BLM: variants seen among roughly 807,000 people sequenced by gnomAD.
BLM encodes the protein recQ-like DNA helicase BLM.
BLM carries 95 observed loss-of-function variants against 135.3 expected under a neutral mutation model. The observed-to-expected ratio is 0.70, with a 90% confidence interval of 0.59 to 0.83. The LOEUF (loss-of-function observed/expected upper bound fraction) is 0.83. Ranked by LOEUF, BLM falls within the 40% of genes least tolerant of loss-of-function variation. The pLI is 0.00. For synonymous variants in BLM, 520 were observed against 589.2 expected (o/e 0.88, Z 1.70); for missense variants, 1,518 against 1,663.9 (o/e 0.91, Z 1.53).
At chr15:90,725,789 G>A (rs1894897698) in intron 1 of BLM, among the ~76,000 whole-genome samples, 1 of 151,742 alleles carries the variant, frequency 6.6e-6, no homozygotes, top group Admixed American at 6.6e-5. Context: ...GGGATTACAG[G>A]CGTGAGCCAC....
chr15:90,754,903 A>C lies in BLM; in HGVS notation c.1052A>C (p.Gln351Pro), dbSNP rs1389607101. 3 of 1,613,898 alleles carry C rather than the reference A, an allele frequency of 1.9e-6. No homozygotes were observed. Among genetic ancestry groups the C allele is most frequent in the African/African-American group, 1.3e-5 (1 of 74,930 alleles). Residue 351 changes from glutamine (Q) to proline (P), a missense_variant, in exon 5 of 22, where the codon CAG becomes CCG. Gln to Pro is a moderately conservative substitution (Grantham distance 76). Around this residue, in one of 5 missense-constraint regions of BLM, gnomAD observed 724 missense variants for 756.9 expected, o/e 0.96. Coordinates refer to ENST00000355112, the MANE Select transcript of BLM (RefSeq NM_000057.4). The stretch of plus-strand genomic sequence containing the variant: ...TCAAAACCTGAGAAAATGAGTATGC[A>C]GGAGCTGAATCCAGAAACCAGCACA... ...LLSKPEKMSM[Q>P]ELNPETSTDC...
chr15:90,763,255 A>G (rs1428226283), intron 8 of BLM, 98 bp downstream of exon 8: 5 of 1,287,562 alleles, frequency 3.9e-6, no homozygotes, highest in East Asian at 2.3e-5. Flanking sequence ...CAGTATTTCT[A>G]TCATTTAGGG....
At chr15:90,742,606 CTT>C (rs547597837) in intron 1 of BLM, among the ~76,000 whole-genome samples, 22 of 149,952 alleles carry the variant, frequency 1.5e-4, no homozygotes, top group South Asian at 2.1e-4. Flanking sequence ...CTCTCTCTCT[CTT>C]TTTTTTTTAA....
intron 5 of BLM, among the ~76,000 whole-genome samples, chr15:90,759,793 G>C (rs945854225): frequency 6.6e-6 from 1 of 151,682 alleles, no homozygotes; most frequent in African/African-American, 2.4e-5. Context: ...TATTAGTAAA[G>C]ACGGGGTTTC....
At chr15:90,803,120 A>C (rs1203623708) in intron 17 of BLM, among the ~76,000 whole-genome samples, 1 of 151,116 alleles carries the variant, frequency 6.6e-6, no homozygotes, top group African/African-American at 2.4e-5. Flanking sequence ...CCATGATTGC[A>C]CCACTGCACT....
Position 90,722,196 on chromosome 15 carries a change from G to A in BLM, c.-5+4756G>A, listed in dbSNP as rs1184657402. Reference sequence around the variant, plus strand: ...GCAATCTTGGCTCACTGAAAGCTCCGCCTCCCAGCTTCATGCCATTCTCCT... The same window carrying A: ...GCAATCTTGGCTCACTGAAAGCTCCACCTCCCAGCTTCATGCCATTCTCCT... On this transcript the variant is annotated intron_variant, in intron 1 of 21. Transcript: ENST00000355112. Among the ~76,000 whole-genome samples, 5 of 151,644 alleles carry A rather than the reference G, an allele frequency of 3.3e-5. 1 individual carries two copies. The East Asian group carries it at 8.0e-4, about 24-fold the overall frequency.
rs2151158461 is a variant in BLM at position 90,760,923 on chromosome 15, G to A, written c.1550G>A (p.Ser517Asn). Residue 517 changes from serine (S) to asparagine (N), a missense_variant, in exon 7 of 22, where the codon AGC (serine) becomes AAC (asparagine). This residue lies in a region of BLM where 724 missense variants were observed against 756.9 expected (regional missense o/e 0.96). Coordinates refer to ENST00000355112, the MANE Select transcript of BLM (RefSeq NM_000057.4). ...ETPRLGKKNE[S>N]SYFPGNVLTS... Reference sequence around the variant, plus strand: ...CCAAGACTAGGAAAAAAAAATGAAAGCTCTTATTTCCCAGGAAATGTTCTC... The same window carrying A: ...CCAAGACTAGGAAAAAAAAATGAAAACTCTTATTTCCCAGGAAATGTTCTC... 1.2e-6 allele frequency: 2 copies of A among 1,613,898 alleles called. No homozygotes were observed. Among genetic ancestry groups the A allele is most frequent in the African/African-American group, 1.3e-5 (1 of 75,010 alleles).
intron 1 of BLM, among the ~76,000 whole-genome samples, chr15:90,727,881 A>C (rs1894959002): frequency 6.9e-6 from 1 of 144,454 alleles, no homozygotes; most frequent in African/African-American, 2.6e-5. Flanking sequence ...CTTAGCTGTT[A>C]AGTTCCTCCA....
rs756676685 is a variant in BLM at position 90,749,816 on chromosome 15, C to T, written c.548C>T (p.Ala183Val). Residue 183 changes from alanine to valine, a missense_variant, in exon 3 of 22, where the codon GCT (alanine) becomes GTT (valine). This residue lies in a region of BLM where 724 missense variants were observed against 756.9 expected (regional missense o/e 0.96). Coordinates refer to ENST00000355112, the MANE Select transcript of BLM (RefSeq NM_000057.4). ...AGTCACTTTGTAAGAGTAAGCACTG[C>T]TCAGAAATCAAAAAAGGGTAAGAGA... ...PQSHFVRVST[A>V]QKSKKGKRNF... 4.4e-6 allele frequency: 7 copies of T among 1,594,396 alleles called. No homozygotes were observed. The South Asian group carries it at 8.0e-5, about 18-fold the overall frequency.
intron 8 of BLM, among the ~76,000 whole-genome samples, chr15:90,763,919 C>CT (rs1896053297): frequency 6.6e-6 from 1 of 152,196 alleles, no homozygotes; most frequent in Non-Finnish European, 1.5e-5. Flanking sequence ...GACTTGTGAC[C>CT]TTTAGCAAGT....
intron 4 of BLM, among the ~76,000 whole-genome samples, chr15:90,752,806 G>A (rs1895723132): frequency 6.6e-6 from 1 of 152,152 alleles, no homozygotes; most frequent in Admixed American, 6.5e-5. Flanking sequence ...GTAGAGTATA[G>A]TATATACTAA....
chr15:90,753,045 C>T (rs1194368275), intron 4 of BLM, among the ~76,000 whole-genome samples: 1 of 152,116 alleles, frequency 6.6e-6, no homozygotes, highest in Non-Finnish European at 1.5e-5. Context: ...ATAATATAAT[C>T]ATTTTAACAA....
In BLM at chr15:90,748,456, A is replaced by G. The variant is rs28384981; in HGVS notation, c.99-911A>G. 8.6e-3 allele frequency among the ~76,000 whole-genome samples: 1,312 copies of G among 152,304 alleles called. 13 individuals are homozygous for G. The highest frequency in any genetic ancestry group is 0.01 in the Non-Finnish European group (698 of 68,022). On this transcript the variant is annotated intron_variant, in intron 2 of 21. Transcript: ENST00000355112. ...TACTTTCGAAGAACAGTTTATAAGG[A>G]AACTACAGCTCTCCAGTTCTGCCTC...
chr15:90,731,247 G>A (rs61493433), intron 1 of BLM, among the ~76,000 whole-genome samples: 16,164 of 152,186 alleles, frequency 0.11, 2,518 homozygotes, highest in African/African-American at 0.34. Flanking sequence ...GGCTCTTGGT[G>A]TATTTTATAC....
chr15:90,783,978 A>G (rs942172802), intron 13 of BLM, among the ~76,000 whole-genome samples: 6 of 152,208 alleles, frequency 3.9e-5, no homozygotes, highest in Admixed American at 6.5e-5. Flanking sequence ...TTATGTTATT[A>G]TTAATTTCTA....
chr15:90,742,719 C>T (rs1372781683), intron 1 of BLM, among the ~76,000 whole-genome samples: 1 of 151,792 alleles, frequency 6.6e-6, no homozygotes, highest in East Asian at 1.9e-4. Flanking sequence ...ACTGAAACCT[C>T]GACCTCCCGG....
chr15:90,815,092 C>A lies in BLM; in HGVS notation c.4077-10C>A. The A allele has an allele frequency of 6.2e-7, 1 of 1,613,468 alleles. No individual in the cohort carries two copies. The highest frequency in any genetic ancestry group is 1.1e-5 in the South Asian group (1 of 91,034). On this transcript the variant is annotated splice_polypyrimidine_tract_variant and intron_variant, in intron 21 of 21. Transcript: ENST00000355112. This position sits in a 1 kb window ranked among gnomAD's most constrained non-coding sequence, Gnocchi z 4.6. ...TTAACATTTTGATTTTTTTCTTTGT[C>A]ACATTTCAGGGGGTCTGCCACATGT...
intron 10 of BLM, among the ~76,000 whole-genome samples, chr15:90,767,478 T>C (rs1292181961): frequency 7.9e-5 from 12 of 152,230 alleles, no homozygotes; most frequent in African/African-American, 2.7e-4. Flanking sequence ...AGTTTCTCTC[T>C]CTTAATATCT....
At chr15:90,780,234 G>A (rs1156837510) in intron 12 of BLM, among the ~76,000 whole-genome samples, 2 of 152,022 alleles carry the variant, frequency 1.3e-5, no homozygotes, top group Non-Finnish European at 2.9e-5. Flanking sequence ...ACAGGCACGT[G>A]CCACCATGCC....
Sources: allele counts gnomAD v4.1 joint callset (sites outside exome capture counted in the v4.1 genomes callset), GRCh38; gene constraint gnomAD v4.1.1; regional missense constraint gnomAD v4.1.1; non-coding constraint Gnocchi (gnomAD v3.1); transcripts MANE v1.5; gene names NCBI Gene and HGNC (gene_info 2026-07-23, HGNC 2026-07-21).